LHPP: variants seen among roughly 807,000 people sequenced by gnomAD.
LHPP encodes the protein hLHPP.
A neutral mutation model predicts 30.3 loss-of-function variants in LHPP; 24 were observed. That is an observed-to-expected ratio of 0.79 (90% CI 0.57 to 1.11). The LOEUF (loss-of-function observed/expected upper bound fraction) is 1.11. LHPP is among the 50% of genes most tolerant of loss of function. The pLI is 0.00. For missense variants in LHPP, 356 were observed against 367.2 expected, an observed-to-expected ratio of 0.97 and a Z score of 0.25; for synonymous variants, 150 against 157.1, an observed-to-expected ratio of 0.95 and a Z score of 0.34.
At chr10:124,552,416 A>C (rs1374438534) in intron 6 of LHPP, among the ~76,000 whole-genome samples, 1 of 151,924 alleles carries the variant, frequency 6.6e-6, no homozygotes, top group East Asian at 1.9e-4. Flanking sequence ...TCCTGTCTAT[A>C]CTGGAATCCC....
chr10:124,573,265 C>A (rs1399311330), intron 6 of LHPP, among the ~76,000 whole-genome samples: 1 of 152,228 alleles, frequency 6.6e-6, no homozygotes, highest in African/African-American at 2.4e-5. Flanking sequence ...ACATTTGTTA[C>A]AACCAAGAAA....
intron 6 of LHPP, among the ~76,000 whole-genome samples, chr10:124,532,469 G>A (rs562864106): frequency 6.6e-6 from 1 of 152,252 alleles, no homozygotes; most frequent in Non-Finnish European, 1.5e-5. Context: ...GCAGCACAGG[G>A]TTCCTTCTCA....
At chr10:124,529,982 G>T (rs1189262726) in intron 6 of LHPP, among the ~76,000 whole-genome samples, 1 of 152,220 alleles carries the variant, frequency 6.6e-6, no homozygotes, top group Non-Finnish European at 1.5e-5. Flanking sequence ...GGTCCCAAGT[G>T]GGGGCGGCTG....
chr10:124,502,366 A>G (rs1369147348), intron 5 of LHPP, among the ~76,000 whole-genome samples: 5 of 145,808 alleles, frequency 3.4e-5, no homozygotes, highest in Admixed American at 6.7e-5. Flanking sequence ...CCTTTCAGTA[A>G]TTATCTTTTT....
chr10:124,562,131 G>A (rs1948405891), intron 6 of LHPP, among the ~76,000 whole-genome samples: 1 of 152,042 alleles, frequency 6.6e-6, no homozygotes, highest in African/African-American at 2.4e-5. Context: ...AACACAGGGA[G>A]ACCTTGTCTC....
intron 1 of LHPP, among the ~76,000 whole-genome samples, chr10:124,472,345 A>G (rs934957843): frequency 2.6e-5 from 4 of 152,158 alleles, no homozygotes; most frequent in African/African-American, 9.7e-5. Flanking sequence ...GCAGTGAACC[A>G]CACAACACAG....
At chr10:124,562,858 G>A (rs1948416821) in intron 6 of LHPP, among the ~76,000 whole-genome samples, 4 of 151,740 alleles carry the variant, frequency 2.6e-5, no homozygotes, top group Admixed American at 2.6e-4. Flanking sequence ...CTTGAACTGG[G>A]GAGGCAGAGG....
intron 6 of LHPP, among the ~76,000 whole-genome samples, chr10:124,548,190 G>A (rs1955399495): frequency 8.3e-6 from 1 of 120,144 alleles, no homozygotes; most frequent in Non-Finnish European, 1.7e-5. Flanking sequence ...GCTTCCCTTG[G>A]GGCCCGGCCA....
chr10:124,479,972 C>T (rs1383056541), intron 1 of LHPP, among the ~76,000 whole-genome samples: 1 of 152,180 alleles, frequency 6.6e-6, no homozygotes, highest in South Asian at 2.1e-4. Flanking sequence ...GCACCTGGGC[C>T]TTGGGGATGT....
rs763470971 is a variant in LHPP, at chr10:124,529,022, GATTCT to G, written c.716+11752_716+11756del. Among the ~76,000 whole-genome samples the G allele has an allele frequency of 9.7e-3, 1,240 of 127,520 alleles. 43 individuals carry two copies. Among genetic ancestry groups the G allele is most frequent in the African/African-American group, 0.031 (1,032 of 33,118 alleles). The allele number at this position is 127,520 out of a possible 152,430, so 83.7% of individuals were successfully genotyped here. ...CTGCCCTGGGTTTGTGAATTTGGGG[GATTCT>G]TTTTTTTTTTTTTTTTTTTTTTGAG... On this transcript the variant is annotated intron_variant, in intron 6 of 6. Transcript: ENST00000368842.
intron 1 of LHPP, among the ~76,000 whole-genome samples, chr10:124,475,895 G>A (rs971139741): frequency 5.9e-5 from 9 of 152,188 alleles, no homozygotes; most frequent in Non-Finnish European, 1.3e-4. Flanking sequence ...TCTGTGAAAT[G>A]AGACACTCGG....
chr10:124,556,755 T>C (rs1209148974), intron 6 of LHPP, among the ~76,000 whole-genome samples: 2 of 152,224 alleles, frequency 1.3e-5, no homozygotes, highest in Non-Finnish European at 2.9e-5. Flanking sequence ...TCTTCTTTGA[T>C]TGATAATGAG....
intron 6 of LHPP, among the ~76,000 whole-genome samples, chr10:124,563,164 C>T (rs556706397): frequency 6.6e-6 from 1 of 152,194 alleles, no homozygotes; most frequent in South Asian, 2.1e-4. Flanking sequence ...ACACAAAAAC[C>T]TATACACAAA....
At chr10:124,587,738 T>TAAAAAAAAAAAAAAAAAAAAAAAAAAAA (rs747954796) in intron 6 of LHPP, among the ~76,000 whole-genome samples, 1 of 53,004 alleles carries the variant, frequency 1.9e-5, no homozygotes, top group African/African-American at 6.7e-5. Flanking sequence ...AGACTCCATC[T>TAAAAAAAAAAAAAAAAAAAAAAAAAAAA]AAAAAAAAAA....
chr10:124,497,153 C>T (rs1953740990), intron 4 of LHPP, 129 bp downstream of exon 4: 2 of 725,248 alleles, frequency 2.8e-6, no homozygotes. Context: ...ACAAAGGCTG[C>T]CTTCCTATTC....
At chr10:124,606,291 C>G (rs1282427741) in intron 6 of LHPP, among the ~76,000 whole-genome samples, 1 of 152,104 alleles carries the variant, frequency 6.6e-6, no homozygotes, top group Non-Finnish European at 1.5e-5. Context: ...GGGACAGCAG[C>G]AAGGACGATG....
In LHPP at chr10:124,610,811, GAT is replaced by G. The variant is rs1205141903; in HGVS notation, c.717-2452_717-2451del. 2.0e-5 allele frequency among the ~76,000 whole-genome samples: 2 copies of G among 102,472 alleles called. 1 individual carries two copies. The highest frequency in any genetic ancestry group is 7.4e-4 in the South Asian group (2 of 2,686). The allele number at this position is 102,472 out of a possible 152,430, so 67.2% of individuals were successfully genotyped here. A position where few individuals can be genotyped will look rare whatever the true frequency, so the allele number is the denominator to read the frequency against. On this transcript the variant is annotated intron_variant, in intron 6 of 6. Transcript: ENST00000368842. ...GGGTGAGGGTGCGGGTGAGGGTGCT[GAT>G]GGAGCGGGTGAGGGTGAGGGTGAGG...
chr10:124,469,225 G>C (rs1196733594), intron 1 of LHPP, among the ~76,000 whole-genome samples: 1 of 152,064 alleles, frequency 6.6e-6, no homozygotes, highest in Non-Finnish European at 1.5e-5. Flanking sequence ...TTGGCAGGGG[G>C]AACACATGCC....
chr10:124,560,048 A>G (rs4962648), intron 6 of LHPP, among the ~76,000 whole-genome samples: 37,112 of 152,070 alleles, frequency 0.24, 4,966 homozygotes, highest in Middle Eastern at 0.3. Context: ...AGCCTGTACC[A>G]GGGCACTGGA....
Sources: allele counts gnomAD v4.1 joint callset (sites outside exome capture counted in the v4.1 genomes callset), GRCh38; gene constraint gnomAD v4.1.1; transcripts MANE v1.5; gene names NCBI Gene and HGNC (gene_info 2026-07-23, HGNC 2026-07-21).